The following ANGEL2 variants were observed in gnomAD, a reference collection of about 807,000 sequenced individuals.
ANGEL2 encodes the protein RNA 2',3'-cyclic phosphatase ANGEL2.
Under a neutral mutation model 66.0 loss-of-function variants are expected in ANGEL2, and 41 were observed. The observed-to-expected ratio is 0.62, with a 90% CI of 0.48 to 0.81. The LOEUF is 0.81. Among genes scored for constraint, ANGEL2 ranks in the 30% least tolerant of loss-of-function variants. The pLI is 0.00. For missense variants in ANGEL2, 561 were observed against 641.6 expected (o/e 0.87, Z 1.36); for synonymous variants, 208 against 226.5 (o/e 0.92, Z 0.73).
chr1:213,011,181 A>C (rs1174967547), intron 2 of ANGEL2: 1 of 1,288,658 alleles, frequency 7.8e-7, no homozygotes, highest in Non-Finnish European at 1.0e-6. Flanking sequence ...TTCACAACAT[A>C]AATTCACACT....
intron 4 of ANGEL2, 23 bp downstream of exon 4, chr1:213,007,099 GAAAAAAA>G: frequency 2.9e-6 from 4 of 1,386,246 alleles, no homozygotes; most frequent in African/African-American, 3.6e-5. Flanking sequence ...TCTCAAAAAA[GAAAAAAA>G]AAAAAAAAAA....
chr1:212,999,303 C>T (rs2076114647), intron 7 of ANGEL2, among the ~76,000 whole-genome samples: 1 of 152,210 alleles, frequency 6.6e-6, no homozygotes, highest in Non-Finnish European at 1.5e-5. Context: ...CGTGAGCCAA[C>T]ACGCCCAGCC....
rs2076562125 is a variant in ANGEL2, at chr1:213,013,515, T to C, written c.60-97A>G. 25 of 1,162,196 alleles carry C rather than the reference T, an allele frequency of 2.2e-5. No homozygotes were observed. In the South Asian group the frequency reaches 3.9e-4, roughly 18 times the overall value. The allele number at this position is 1,162,196 out of a possible 1,614,324, so 72.0% of individuals were successfully genotyped here. A position where few individuals can be genotyped will look rare whatever the true frequency, so the allele number is the denominator to read the frequency against. On this transcript the variant is annotated intron_variant, in intron 1 of 8. Coordinates refer to ENST00000366962, the MANE Select transcript of ANGEL2 (RefSeq NM_144567.5). The stretch of plus-strand genomic sequence containing the variant: ...TTCCTCAAGGGAAGGTAATGTCTAA[T>C]ATTTAAAATCTGGCTGCTAAATCTG...
intron 3 of ANGEL2, 21 bp from the exon 4 acceptor site, chr1:213,007,219 T>G: frequency 6.5e-7 from 1 of 1,533,256 alleles, no homozygotes; most frequent in East Asian, 2.4e-5. Context: ...AAAAATAGCT[T>G]GAATTAGAAC....
At chr1:213,002,588 G>A (rs1465960983) in intron 5 of ANGEL2, among the ~76,000 whole-genome samples, 1 of 152,130 alleles carries the variant, frequency 6.6e-6, no homozygotes, top group Non-Finnish European at 1.5e-5. Context: ...AGTCCTAGAT[G>A]GCATCTTCTT....
chr1:212,998,825 CTCTT>C (rs2076098598), intron 7 of ANGEL2, among the ~76,000 whole-genome samples: 2 of 151,834 alleles, frequency 1.3e-5, no homozygotes, highest in Admixed American at 6.6e-5. Flanking sequence ...CGCGCCCGGC[CTCTT>C]TTTTTCTTTT....
Position 213,013,291 on chromosome 1 carries a change from G to C in ANGEL2, c.187C>G (p.Arg63Gly), listed in dbSNP as rs373936219. ...CTACTGAAGTATGGGTAAGGAGCTC[G>C]AGAGTAATGTCCAGGCCACCTCATA... ...SCMRWPGHYS[R>G]APYPYFSSRH... Residue 63 changes from arginine (R) to glycine (G), a missense_variant, in exon 2 of 9, where the codon CGA becomes GGA. Arg to Gly is a moderately radical substitution (Grantham distance 125). Coordinates refer to ENST00000366962, the MANE Select transcript of ANGEL2 (RefSeq NM_144567.5). 2 of 1,614,174 alleles carry C rather than the reference G, an allele frequency of 1.2e-6. No homozygotes were observed. Among genetic ancestry groups the C allele is most frequent in the Non-Finnish European group, 1.7e-6 (2 of 1,180,016 alleles).
At chr1:212,999,468 A>T (rs574118924) in intron 7 of ANGEL2, among the ~76,000 whole-genome samples, 28 of 152,318 alleles carry the variant, frequency 1.8e-4, no homozygotes, top group African/African-American at 3.1e-4. Context: ...CATTTAAAAA[A>T]TTTTTTTAAA....
intron 2 of ANGEL2, chr1:213,011,546 A>C (rs369389900): frequency 1.3e-4 from 116 of 927,776 alleles, no homozygotes; most frequent in Non-Finnish European, 1.4e-4. Context: ...AGGGAAAACA[A>C]CACCATAATT....
chr1:213,000,191 C>T, intron 7 of ANGEL2, 135 bp downstream of exon 7: 1 of 734,252 alleles, frequency 1.4e-6, no homozygotes, highest in East Asian at 2.7e-5. Context: ...TCAGGCCTAT[C>T]TGACTTAAGG....
intron 2 of ANGEL2, chr1:213,011,088 G>T: frequency 9.5e-7 from 1 of 1,049,806 alleles, no homozygotes; most frequent in African/African-American, 1.7e-5. Flanking sequence ...TAAACTTACA[G>T]AAATGTGTTC....
chr1:213,002,798 G>A (rs947347940), intron 5 of ANGEL2, among the ~76,000 whole-genome samples: 12 of 151,672 alleles, frequency 7.9e-5, no homozygotes, highest in African/African-American at 2.9e-4. Flanking sequence ...GCATGCACCT[G>A]TAATCCCACC....
In ANGEL2 at chr1:213,013,145, G is replaced by A. The variant is rs760701370; in HGVS notation, c.333C>T (p.Tyr111=). The A allele has an allele frequency of 2.6e-5, 42 of 1,613,950 alleles. No homozygotes were observed. The highest frequency in any genetic ancestry group is 1.3e-5 in the African/African-American group (1 of 74,900). Residue 111 remains tyrosine (Y), a synonymous_variant, in exon 2 of 9, where the codon TAC becomes TAT. Coordinates refer to ENST00000366962, the MANE Select transcript of ANGEL2 (RefSeq NM_144567.5). ...SQTSLIHLSS[Y]VMNAEGDEPS... ...GCTCATCTCCCTCAGCGTTCATGAC[G>A]TAACTAGAGAGATGAATCAAAGATG... is the stretch of plus-strand genomic sequence containing the variant.
intron 7 of ANGEL2, 91 bp downstream of exon 7, chr1:213,000,235 C>T: frequency 8.0e-7 from 1 of 1,254,872 alleles, no homozygotes; most frequent in Non-Finnish European, 1.2e-6. Flanking sequence ...AATACTATCA[C>T]CTTCATTTTT....
At position 213,008,392 on chromosome 1, in the gene ANGEL2, C is replaced by A; in HGVS notation, c.460G>T (p.Val154Phe). The change falls in exon 3 of 9, where the codon GTT (valine) becomes TTT (phenylalanine). Residue 154 changes from valine to phenylalanine, a missense_variant. Val to Phe is a conservative substitution (Grantham distance 50). Coordinates refer to ENST00000366962, the MANE Select transcript of ANGEL2 (RefSeq NM_144567.5). ...TCACTGTCTTCACATTTGGGATCAA[C>A]ATTTTTGTCTCCTAGGATCTTCGTT... ...EKTKILGDKNVDPKCEDSENK... is the reference protein window; with the variant it reads ...EKTKILGDKNFDPKCEDSENK... The A allele has an allele frequency of 6.2e-7, 1 of 1,614,132 alleles. No individual in the cohort carries two copies. The highest frequency in any genetic ancestry group is 8.5e-7 in the Non-Finnish European group (1 of 1,179,996).
At position 213,000,150 on chromosome 1, in the gene ANGEL2, G is replaced by A. The variant is rs145527419; in HGVS notation, c.1319+176C>T. 4.2e-3 allele frequency among the ~76,000 whole-genome samples: 644 copies of A among 152,252 alleles called. 5 individuals are homozygous for A. The highest frequency in any genetic ancestry group is 0.015 in the African/African-American group (611 of 41,544). ...TTAAGTTTCTTGCTCAAAATCATTCGGCTAAAACACAGCAGAGTCAGGACT... is the reference window on the plus strand; with the variant it reads ...TTAAGTTTCTTGCTCAAAATCATTCAGCTAAAACACAGCAGAGTCAGGACT... On this transcript the variant is annotated intron_variant, in intron 7 of 8. Transcript: ENST00000366962.
chr1:213,004,127 G>A (rs1314324541), intron 5 of ANGEL2, among the ~76,000 whole-genome samples: 3 of 151,468 alleles, frequency 2.0e-5, no homozygotes, highest in Admixed American at 6.6e-5. Context: ...GCTTGAACCT[G>A]GGAGACAGAG....
chr1:213,008,515 A>T, intron 2 of ANGEL2, 49 bp from the exon 3 acceptor site: 5 of 1,567,304 alleles, frequency 3.2e-6, no homozygotes, highest in Non-Finnish European at 4.3e-6. Flanking sequence ...AAAGCAGACC[A>T]TACAGTTTCC....
chr1:213,013,751 T>C (rs551839474), intron 1 of ANGEL2, among the ~76,000 whole-genome samples: 1 of 152,282 alleles, frequency 6.6e-6, no homozygotes, highest in East Asian at 1.9e-4. Flanking sequence ...TTCAAGCACC[T>C]ACAAAACTCA....
Sources: gnomAD v4.1 joint callset for allele counts (sites outside exome capture counted in the v4.1 genomes callset) on GRCh38, gnomAD v4.1.1 for gene constraint, MANE v1.5 for transcripts, NCBI Gene and HGNC (gene_info 2026-07-23, HGNC 2026-07-21) for gene names.